TKT: variants seen among roughly 807,000 people sequenced by gnomAD.
TKT encodes epididymis luminal protein 107.
TKT carries 47 observed loss-of-function variants against 63.9 expected under a neutral mutation model. The ratio of observed to expected loss-of-function variants is 0.74; its 90% confidence interval spans 0.58 to 0.94. TKT has a LOEUF of 0.94. TKT is among the 40% of genes least tolerant of loss of function. TKT has a pLI of 0.00. For synonymous variants in TKT, 338 were observed against 334.1 expected, an observed-to-expected ratio of 1.01 and a Z score of -0.13; for missense variants, 721 against 846.2, an observed-to-expected ratio of 0.85 and a Z score of 1.84.
intron 3 of TKT, 45 bp from the exon 4 acceptor site, chr3:53,240,393 C>A: frequency 6.4e-7 from 1 of 1,565,518 alleles, no homozygotes; most frequent in Non-Finnish European, 8.7e-7. Context: ...GAGAAGGGAT[C>A]CTGGTCTCAC....
chr3:53,241,096 G>C, intron 3 of TKT, 36 bp downstream of exon 3: 1 of 1,504,166 alleles, frequency 6.6e-7, no homozygotes. Flanking sequence ...AGGAAGTGGA[G>C]GCAGAGGCAT....
intron 4 of TKT, among the ~76,000 whole-genome samples, chr3:53,236,453 G>A (rs1553678651): frequency 6.6e-6 from 1 of 152,188 alleles, no homozygotes; most frequent in African/African-American, 2.4e-5. Context: ...GTGCCCCTGT[G>A]GGGTACCATG....
At chr3:53,242,503 C>T (rs973671396) in intron 1 of TKT, among the ~76,000 whole-genome samples, 5 of 152,074 alleles carry the variant, frequency 3.3e-5, no homozygotes, top group African/African-American at 9.7e-5. Flanking sequence ...CTCAGAATCA[C>T]GGCAACTGAA....
rs1334749385 is a variant in TKT, at chr3:53,226,841, G to A, written c.1611C>T (p.Ile537=). The A allele has an allele frequency of 6.2e-7, 1 of 1,613,798 alleles. No homozygotes were observed. Among genetic ancestry groups the A allele is most frequent in the East Asian group, 2.2e-5 (1 of 44,880 alleles). Residue 537 remains isoleucine, a synonymous_variant, in exon 13 of 14, where the codon ATC becomes ATT. Coordinates refer to ENST00000462138, the MANE Select transcript of TKT (RefSeq NM_001064.4). ...INIRVLDPFT[I]KPLDRKLILD... is the part of the protein sequence containing the mutation. ...GAATGAGTTTTCTGTCCAGGGGCTT[G>A]ATGGTGAAGGGGTCCAGCACGCGGA...
At chr3:53,227,777 G>A in intron 12 of TKT, 1 of 359,452 alleles carries the variant, frequency 2.8e-6, no homozygotes, top group Admixed American at 4.5e-5. Flanking sequence ...CAGCTGGCAG[G>A]CTCCAGGCCA....
rs782323096 is a variant in TKT at position 53,235,190 on chromosome 3, G to A, written c.438-16C>T. The stretch of plus-strand genomic sequence containing the variant: ...GACTCGGTAGCTGTGGACAGAGAGT[G>A]AATCAGGCCAGTCCCTCTCACCTGG... On this transcript the variant is annotated splice_polypyrimidine_tract_variant and intron_variant, in intron 4 of 13. Transcript: ENST00000462138. The A allele has an allele frequency of 2.5e-6, 4 of 1,597,812 alleles. No individual in the cohort carries two copies. In the Admixed American group the frequency reaches 6.7e-5, roughly 27 times the overall value.
chr3:53,240,143 G>A, intron 4 of TKT, 108 bp downstream of exon 4: 1 of 1,068,630 alleles, frequency 9.4e-7, no homozygotes, highest in Non-Finnish European at 1.4e-6. Context: ...GTATTACTCT[G>A]CCCTAGCCAG....
Position 53,227,641 on chromosome 3 carries a change from C to T in TKT, c.1573+415G>A, listed in dbSNP as rs527259297. ...TAATAATAGAATACCAAGTCACATG[C>T]ATGTAACCCTCAGGAGAGCTCTGAG... On this transcript the variant is annotated intron_variant, in intron 12 of 13. Transcript: ENST00000462138. The T allele has an allele frequency of 6.3e-5, 11 of 174,136 alleles. No individual in the cohort carries two copies. The South Asian group carries it at 1.4e-3, about 22-fold the overall frequency. The allele number at this position is 174,136 out of a possible 1,614,324, so 10.8% of individuals were successfully genotyped here.
At chr3:53,234,949 T>G in intron 5 of TKT, 34 bp downstream of exon 5, 1 of 1,578,746 alleles carries the variant, frequency 6.3e-7, no homozygotes, top group Non-Finnish European at 8.6e-7. Context: ...TCTCCCGTGC[T>G]GTGACCACAC....
Position 53,255,954 on chromosome 3 carries a change from C to A in TKT, c.-12G>T. On this transcript the variant is annotated 5_prime_UTR_variant, in exon 1 of 14. Coordinates refer to ENST00000462138, the MANE Select transcript of TKT (RefSeq NM_001064.4). The stretch of plus-strand genomic sequence containing the variant: ...TGGTAGCTCTCCATGGTGCGGCAGG[C>A]GGGGACCGGGCGCACACGCGGACAC... 1 of 1,500,032 alleles carries A rather than the reference C, an allele frequency of 6.7e-7. No homozygotes were observed. The highest frequency in any genetic ancestry group is 8.9e-7 in the Non-Finnish European group (1 of 1,118,306). The allele number at this position is 1,500,032 out of a possible 1,614,324, so 92.9% of individuals were successfully genotyped here.
rs781910440 is a variant in TKT at position 53,233,118 on chromosome 3, A to C, written c.748+38T>G. 7.6e-6 allele frequency: 12 copies of C among 1,573,492 alleles called. No homozygotes were observed. The East Asian group carries it at 2.0e-4, about 27-fold the overall frequency. On this transcript the variant is annotated intron_variant, in intron 6 of 13. Transcript: ENST00000462138. Reference sequence around the variant, plus strand: ...GCTACGTAGCCACAGTGTCTGGGCGAGGGGTGAAGGTGGGGAGGGCGGCTT... The same window carrying C: ...GCTACGTAGCCACAGTGTCTGGGCGCGGGGTGAAGGTGGGGAGGGCGGCTT...
chr3:53,252,180 C>G (rs2106733949), intron 1 of TKT, among the ~76,000 whole-genome samples: 1 of 152,322 alleles, frequency 6.6e-6, no homozygotes, highest in East Asian at 1.9e-4. Flanking sequence ...TGAGCTCCCC[C>G]AGAAAAGGGG....
intron 7 of TKT, 77 bp from the exon 8 acceptor site, chr3:53,230,698 A>C: frequency 6.4e-7 from 1 of 1,557,618 alleles, no homozygotes; most frequent in Middle Eastern, 1.8e-4. Flanking sequence ...CCCTGCTTTC[A>C]GAGAAGGATT....
At chr3:53,250,221 C>G (rs540970643) in intron 1 of TKT, among the ~76,000 whole-genome samples, 1 of 152,294 alleles carries the variant, frequency 6.6e-6, no homozygotes, top group African/African-American at 2.4e-5. Context: ...AGGATGGGTC[C>G]TGAGGCAGCC....
chr3:53,225,614 A>G lies in TKT; in HGVS notation c.*142T>C. ...CTTCCCCAGAACCTGCACTGGCTGC[A>G]AACACATCAAAAAAGAAAACATTTC... On this transcript the variant is annotated 3_prime_UTR_variant, in exon 14 of 14. Coordinates refer to ENST00000462138, the MANE Select transcript of TKT (RefSeq NM_001064.4). 1 of 1,064,440 alleles carries G rather than the reference A, an allele frequency of 9.4e-7. No individual in the cohort carries two copies. The allele number at this position is 1,064,440 out of a possible 1,614,324, so 65.9% of individuals were successfully genotyped here.
At chr3:53,228,911 C>G in intron 10 of TKT, 96 bp downstream of exon 10, 1 of 1,537,104 alleles carries the variant, frequency 6.5e-7, no homozygotes, top group Non-Finnish European at 8.8e-7. Flanking sequence ...CAGGAAACAC[C>G]CCCTGGGGCA....
chr3:53,226,039 G>T, intron 13 of TKT, 108 bp from the exon 14 acceptor site: 1 of 1,004,774 alleles, frequency 1.0e-6, no homozygotes, highest in Non-Finnish European at 1.4e-6. Flanking sequence ...CATATGCACT[G>T]CCTTTCTCCA....
chr3:53,228,417 C>T (rs1261782735), intron 10 of TKT, 58 bp from the exon 11 acceptor site: 34 of 1,580,112 alleles, frequency 2.2e-5, no homozygotes, highest in Middle Eastern at 1.7e-4. Context: ...ACCTCAGAGA[C>T]GAGGTCTTTC....
Position 53,233,149 on chromosome 3 carries a change from T to C in TKT, c.748+7A>G. ...GAAGGTGGGGAGGGCGGCTTGTGCA[T>C]ACTGACCCGTGATCCCTCGGCCCTT... On this transcript the variant is annotated splice_region_variant and intron_variant, in intron 6 of 13. Transcript: ENST00000462138. 6.2e-7 allele frequency: 1 copy of C among 1,612,640 alleles called. No individual in the cohort carries two copies. Among genetic ancestry groups the C allele is most frequent in the Non-Finnish European group, 8.5e-7 (1 of 1,179,188 alleles).
Sources: gnomAD v4.1 joint callset for allele counts (sites outside exome capture counted in the v4.1 genomes callset) on GRCh38, gnomAD v4.1.1 for gene constraint, MANE v1.5 for transcripts, NCBI Gene and HGNC (gene_info 2026-07-23, HGNC 2026-07-21) for gene names.